The following SNTG1 variants were observed in gnomAD, a reference collection of about 807,000 sequenced individuals.
The protein encoded by SNTG1 is syntrophin gamma 1.
Under a neutral mutation model 74.7 loss-of-function variants are expected in SNTG1, and 39 were observed. The observed-to-expected ratio is 0.52, with a 90% confidence interval of 0.40 to 0.68. The LOEUF is 0.68. SNTG1 is among the 30% of genes least tolerant of loss of function. The pLI is 0.00. For missense variants in SNTG1, 685 were observed against 609.5 expected (o/e 1.12, Z -1.30); for synonymous variants, 254 against 217.1 (o/e 1.17, Z -1.49).
At chr8:49,922,064 C>A in intron 1 of SNTG1, among the ~76,000 whole-genome samples, 1 of 152,010 alleles carries the variant, frequency 6.6e-6, no homozygotes, top group East Asian at 1.9e-4. Context: ...AATTTTGGAG[C>A]ATGAAGAATG....
chr8:49,942,072 T>C (rs1401247759), intron 1 of SNTG1, among the ~76,000 whole-genome samples: 1 of 152,174 alleles, frequency 6.6e-6, no homozygotes, highest in African/African-American at 2.4e-5. Flanking sequence ...AAGGGTACGC[T>C]AAATATAGAC....
At chr8:50,351,533 C>G (rs1252621988) in intron 2 of SNTG1, among the ~76,000 whole-genome samples, 1 of 152,114 alleles carries the variant, frequency 6.6e-6, no homozygotes, top group Non-Finnish European at 1.5e-5. Context: ...TCCTAATGGA[C>G]TTTAGTCAAG....
chr8:50,656,089 G>A (rs1400972696), intron 13 of SNTG1, among the ~76,000 whole-genome samples: 1 of 152,148 alleles, frequency 6.6e-6, no homozygotes, highest in Non-Finnish European at 1.5e-5. Context: ...ACTTAACTCT[G>A]CCAACCATAA....
chr8:50,210,629 A>G (rs1422366785), intron 2 of SNTG1, among the ~76,000 whole-genome samples: 1 of 152,160 alleles, frequency 6.6e-6, no homozygotes, highest in African/African-American at 2.4e-5. Context: ...AGCCAAACTA[A>G]GCTTCATAAG....
At chr8:50,464,952 GAA>G (rs71233500) in intron 8 of SNTG1, among the ~76,000 whole-genome samples, 1 of 143,562 alleles carries the variant, frequency 7.0e-6, no homozygotes. Context: ...CATGCTGTTG[GAA>G]AAAAAAAAAA....
intron 2 of SNTG1, among the ~76,000 whole-genome samples, chr8:50,324,938 CATATATATATATATATATAT>C (rs201152206): frequency 3.0e-5 from 4 of 133,992 alleles, no homozygotes; most frequent in South Asian, 4.8e-4. Context: ...GCATTTTATA[CATATATATATATATATATAT>C]ATATATATAT....
At chr8:50,600,495 A>T (rs373891217) in intron 13 of SNTG1, among the ~76,000 whole-genome samples, 1 of 151,950 alleles carries the variant, frequency 6.6e-6, no homozygotes, top group Non-Finnish European at 1.5e-5. Flanking sequence ...TTGGTATTGG[A>T]TTCTTCCTGA....
intron 2 of SNTG1, among the ~76,000 whole-genome samples, chr8:50,353,737 A>G (rs567204670): frequency 1.3e-5 from 2 of 152,334 alleles, no homozygotes; most frequent in Admixed American, 1.3e-4. Context: ...TCATTCATAC[A>G]AGGTCAAGTT....
At chr8:50,386,287 C>G (rs1255275569) in intron 2 of SNTG1, among the ~76,000 whole-genome samples, 2 of 151,982 alleles carry the variant, frequency 1.3e-5, no homozygotes, top group Non-Finnish European at 2.9e-5. Context: ...GATTGGTGGA[C>G]CACAGTGGTG....
At chr8:50,683,672 T>C (rs867419730) in intron 15 of SNTG1, among the ~76,000 whole-genome samples, 3 of 152,204 alleles carry the variant, frequency 2.0e-5, no homozygotes, top group Non-Finnish European at 4.4e-5. Context: ...TTATATCCCA[T>C]GGTGGCCAGA....
chr8:50,028,716 T>C (rs1378509214), intron 1 of SNTG1, among the ~76,000 whole-genome samples: 1 of 152,128 alleles, frequency 6.6e-6, no homozygotes, highest in Non-Finnish European at 1.5e-5. Context: ...ATTGTGCACA[T>C]GTACCCTAAA....
chr8:50,765,272 T>C (rs1379405746), intron 18 of SNTG1, among the ~76,000 whole-genome samples: 1 of 152,016 alleles, frequency 6.6e-6, no homozygotes, highest in Admixed American at 6.6e-5. Flanking sequence ...AGAATATCAA[T>C]TATTGTATAA....
intron 4 of SNTG1, among the ~76,000 whole-genome samples, chr8:50,417,863 G>A (rs1208484939): frequency 6.6e-6 from 1 of 151,848 alleles, no homozygotes; most frequent in Non-Finnish European, 1.5e-5. Context: ...TCCTATCTAA[G>A]GTCACCATCT....
intron 2 of SNTG1, among the ~76,000 whole-genome samples, chr8:50,202,848 T>C (rs2084043072): frequency 6.6e-6 from 1 of 151,918 alleles, no homozygotes; most frequent in Non-Finnish European, 1.5e-5. Flanking sequence ...TGTATTTATT[T>C]ATTATTTTAC....
At chr8:50,449,161 A>G (rs1480940769) in intron 5 of SNTG1, among the ~76,000 whole-genome samples, 22 of 152,240 alleles carry the variant, frequency 1.4e-4, no homozygotes, top group Admixed American at 1.4e-3. Flanking sequence ...TTCAATACTA[A>G]GGAAGGAAAT....
intron 1 of SNTG1, among the ~76,000 whole-genome samples, chr8:49,914,783 C>G (rs1044926216): frequency 6.6e-6 from 1 of 152,066 alleles, no homozygotes; most frequent in Non-Finnish European, 1.5e-5. Context: ...TTTATAAATT[C>G]CAAGCAGCTA....
At chr8:50,363,899 G>C (rs891531754) in intron 2 of SNTG1, among the ~76,000 whole-genome samples, 1 of 152,096 alleles carries the variant, frequency 6.6e-6, no homozygotes, top group Non-Finnish European at 1.5e-5. Context: ...TTACCTATTA[G>C]ATTACTGGCT....
chr8:50,551,922 A>AG (rs1192991535), intron 11 of SNTG1, among the ~76,000 whole-genome samples: 1 of 152,164 alleles, frequency 6.6e-6, no homozygotes, highest in Non-Finnish European at 1.5e-5. Context: ...TGAGACAGGA[A>AG]GGCAGAGTGG....
At chr8:50,344,075 T>G (rs1282855465) in intron 2 of SNTG1, among the ~76,000 whole-genome samples, 1 of 152,212 alleles carries the variant, frequency 6.6e-6, no homozygotes, top group Admixed American at 6.5e-5. Flanking sequence ...CCAAGAACAC[T>G]GCACCTTCAG....
Sources: allele counts gnomAD v4.1 joint callset (sites outside exome capture counted in the v4.1 genomes callset), GRCh38; gene constraint gnomAD v4.1.1; transcripts MANE v1.5; gene names NCBI Gene and HGNC (gene_info 2026-07-23, HGNC 2026-07-21).